ZNF18: variants seen among roughly 807,000 people sequenced by gnomAD.
ZNF18 encodes zinc finger protein 18, also known as heart development-specific gene 1 protein.
Under a neutral mutation model 58.1 loss-of-function variants are expected in ZNF18, and 42 were observed. The ratio of observed to expected loss-of-function variants is 0.72; its 90% CI spans 0.56 to 0.93. ZNF18 has a LOEUF of 0.93. Among genes scored for constraint, ZNF18 ranks in the 40% least tolerant of loss-of-function variants. The probability of loss-of-function intolerance (pLI) is 0.00; values close to 1 mark genes in which losing one functional copy is unlikely to be tolerated. For missense variants in ZNF18, 540 were observed against 644.2 expected (o/e 0.84, Z 1.75); for synonymous variants, 231 against 239.8 (o/e 0.96, Z 0.34).
chr17:11,987,231 CAG>C (rs918064459), intron 4 of ZNF18, among the ~76,000 whole-genome samples: 7 of 152,250 alleles, frequency 4.6e-5, no homozygotes, highest in Non-Finnish European at 7.4e-5. Flanking sequence ...AGTCTGAAAA[CAG>C]GGGAAGGTGA....
In ZNF18 at chr17:11,992,479, T is replaced by C. The variant is rs1435302058; in HGVS notation, c.351A>G (p.Glu117=). Residue 117 remains glutamate (E), a synonymous_variant, in exon 2 of 7, where the codon GAA becomes GAG. Coordinates refer to ENST00000580306, the MANE Select transcript of ZNF18 (RefSeq NM_001303281.2). ...GTCTCTGGGGGTCCCCCTTCAAGCT[T>C]TCCACAAGGGTCACTGCCTCTTCTC... The part of the protein sequence containing the change: ...GSGEEAVTLV[E]SLKGDPQRLW... 1 of 1,614,164 alleles carries C rather than the reference T, an allele frequency of 6.2e-7. No homozygotes were observed. Among genetic ancestry groups the C allele is most frequent in the Admixed American group, 1.7e-5 (1 of 60,020 alleles).
the ZNF18 span, among the ~76,000 whole-genome samples, chr17:12,012,764 G>T: frequency 6.6e-6 from 1 of 151,968 alleles, no homozygotes; most frequent in Non-Finnish European, 1.5e-5. Flanking sequence ...CAGCTTTGAC[G>T]TCCTGGGCTC....
chr17:11,981,640 G>A (rs1967366526), intron 6 of ZNF18, among the ~76,000 whole-genome samples: 1 of 150,276 alleles, frequency 6.7e-6, no homozygotes, highest in Admixed American at 6.7e-5. Flanking sequence ...TGGGATGAAG[G>A]AAAAACAAAC....
In ZNF18 at chr17:11,977,860, A is replaced by G; in HGVS notation, c.*97T>C. Reference sequence around the variant, plus strand: ...CAATCCAAGAAAAAAGGAGATTAACAGGGGTATCCTCTTAGACACAATTCC... The same window carrying G: ...CAATCCAAGAAAAAAGGAGATTAACGGGGGTATCCTCTTAGACACAATTCC... On this transcript the variant is annotated 3_prime_UTR_variant, in exon 7 of 7. Coordinates refer to ENST00000580306, the MANE Select transcript of ZNF18 (RefSeq NM_001303281.2). 1.4e-6 allele frequency: 2 copies of G among 1,383,314 alleles called. No individual in the cohort carries two copies. Among genetic ancestry groups the G allele is most frequent in the Non-Finnish European group, 2.0e-6 (2 of 1,018,504 alleles). 85.7% of individuals were successfully genotyped at this position (1,383,314 alleles called of 1,614,324 possible). A position where few individuals can be genotyped will look rare whatever the true frequency, so the allele number is the denominator to read the frequency against.
chr17:12,010,840 A>G, the ZNF18 span: 1 of 469,956 alleles, frequency 2.1e-6, no homozygotes. Context: ...CTGGCACTTC[A>G]GTTGAACCCC....
chr17:11,988,022 A>G (rs1221694100), intron 4 of ZNF18, among the ~76,000 whole-genome samples: 1 of 152,202 alleles, frequency 6.6e-6, no homozygotes, highest in African/African-American at 2.4e-5. Flanking sequence ...GAGTTCCTTC[A>G]ACGTTTTAAA....
intron 1 of ZNF18, among the ~76,000 whole-genome samples, chr17:11,994,181 A>G (rs574342631): frequency 1.3e-5 from 2 of 152,200 alleles, no homozygotes; most frequent in Non-Finnish European, 2.9e-5. Context: ...AGATCAGTAC[A>G]ATACTCTAGC....
At chr17:12,005,332 GAAAATCAATACAC>G in the ZNF18 span, among the ~76,000 whole-genome samples, 1 of 151,998 alleles carries the variant, frequency 6.6e-6, no homozygotes, top group African/African-American at 2.4e-5. Context: ...TCTCATACAT[GAAAATCAATACAC>G]AAAATATTCC....
the ZNF18 span, chr17:12,021,188 C>T: frequency 5.7e-6 from 2 of 348,118 alleles, no homozygotes; most frequent in African/African-American, 4.3e-5. Context: ...GATCCGGGCT[C>T]CGGCCCGCAT....
upstream of ZNF18, among the ~76,000 whole-genome samples, chr17:12,001,629 AAAACAAAC>A (rs559517921): frequency 3.3e-4 from 50 of 151,948 alleles, no homozygotes; most frequent in East Asian, 4.3e-3. Flanking sequence ...ACTCCGTCTC[AAAACAAAC>A]AAACAAACAA....
At chr17:12,016,220 T>G in the ZNF18 span, among the ~76,000 whole-genome samples, 1 of 152,236 alleles carries the variant, frequency 6.6e-6, no homozygotes, top group East Asian at 1.9e-4. Context: ...TATCAAGGTA[T>G]AGAATATGAC....
At chr17:12,002,970 GA>G in the ZNF18 span, among the ~76,000 whole-genome samples, 1 of 152,188 alleles carries the variant, frequency 6.6e-6, no homozygotes, top group Non-Finnish European at 1.5e-5. Flanking sequence ...CTGCCATCAA[GA>G]TGTAGTTTGT....
At chr17:11,997,637 C>T (rs1004993426), upstream of ZNF18, 2 of 152,276 alleles carry the variant, frequency 1.3e-5, no homozygotes, top group Non-Finnish European at 2.9e-5. Context: ...CAGCGAGGTT[C>T]CCGAGCCAAC....
At chr17:12,021,139 G>C in the ZNF18 span, 18 of 454,578 alleles carry the variant, frequency 4.0e-5, no homozygotes, top group Non-Finnish European at 5.9e-5. Context: ...TCCCTCCCCG[G>C]CTTCCCGCCC....
chr17:11,980,579 C>G (rs1019610116), intron 6 of ZNF18, among the ~76,000 whole-genome samples: 2 of 152,018 alleles, frequency 1.3e-5, no homozygotes, highest in African/African-American at 4.8e-5. Flanking sequence ...CGCCACTATG[C>G]CCAGCTAATT....
At chr17:11,983,460 C>G in intron 5 of ZNF18, 53 bp from the exon 6 acceptor site, 1 of 1,438,328 alleles carries the variant, frequency 7.0e-7, no homozygotes, top group Admixed American at 1.7e-5. Flanking sequence ...AGACTGGGAG[C>G]TCAAGCTGTG....
At chr17:11,998,822 C>CTTTTTT (rs71142260), upstream of ZNF18, among the ~76,000 whole-genome samples, 584 of 108,388 alleles carry the variant, frequency 5.4e-3, no homozygotes, top group Middle Eastern at 6.3e-3. Flanking sequence ...AGTTTCTAGT[C>CTTTTTT]TTTTTTTTTT....
At chr17:12,011,218 T>C in the ZNF18 span, 1 of 517,124 alleles carries the variant, frequency 1.9e-6, no homozygotes, top group Non-Finnish European at 3.5e-6. Flanking sequence ...CACTTTGTGT[T>C]CATCATTTTG....
intron 6 of ZNF18, among the ~76,000 whole-genome samples, chr17:11,980,526 T>C (rs1284980409): frequency 2.0e-5 from 3 of 152,132 alleles, no homozygotes; most frequent in African/African-American, 7.2e-5. Flanking sequence ...GTTCAAGCGA[T>C]TCTCCTGCCT....
Sources: allele counts gnomAD v4.1 joint callset (sites outside exome capture counted in the v4.1 genomes callset), GRCh38; gene constraint gnomAD v4.1.1; transcripts MANE v1.5; gene names NCBI Gene and HGNC (gene_info 2026-07-23, HGNC 2026-07-21).